Variants in CHP1 observed in about 807,000 individuals in gnomAD.
CHP1 encodes the protein calcineurin like EF-hand protein 1.
CHP1 carries 11 observed loss-of-function variants against 27.4 expected under a neutral mutation model. That is an observed-to-expected ratio of 0.40 (90% CI 0.25 to 0.67). CHP1 has a LOEUF of 0.67. CHP1 is among the 30% of genes least tolerant of loss of function. The pLI, the probability that CHP1 is intolerant of heterozygous loss-of-function variation, is 0.38. For synonymous variants in CHP1, 89 were observed against 87.4 expected (o/e 1.02, Z -0.10); for missense variants, 169 against 251.3 (o/e 0.67, Z 2.22).
At chr15:41,243,537 TTAACATTCTA>T in intron 1 of CHP1, 120 bp from the exon 2 acceptor site, 1 of 627,958 alleles carries the variant, frequency 1.6e-6, no homozygotes, top group Admixed American at 2.9e-5. Flanking sequence ...ACTTTCTGCT[TTAACATTCTA>T]GAGATAAGAG....
At position 41,257,138 on chromosome 15, in the gene CHP1, A is replaced by G; in HGVS notation, c.221+148A>G. ...CAATTCTAATTTTGTCATTTCTAGA[A>G]TATCTCTTCTGTTCTACCCTCCTGT... On this transcript the variant is annotated intron_variant, in intron 3 of 6. Transcript: ENST00000334660. 6.5e-6 allele frequency: 4 copies of G among 616,668 alleles called. No individual in the cohort carries two copies. The South Asian group carries it at 8.4e-5, about 13-fold the overall frequency. The allele number at this position is 616,668 out of a possible 1,614,324, so 38.2% of individuals were successfully genotyped here. A position where few individuals can be genotyped will look rare whatever the true frequency, so the allele number is the denominator to read the frequency against.
At chr15:41,257,380 C>T (rs749481762) in intron 3 of CHP1, among the ~76,000 whole-genome samples, 3 of 151,984 alleles carry the variant, frequency 2.0e-5, no homozygotes, top group Non-Finnish European at 2.9e-5. Context: ...TTTGTGTGCT[C>T]TCTTCTTAGT....
At chr15:41,232,431 G>C (rs935119652) in intron 1 of CHP1, among the ~76,000 whole-genome samples, 1 of 151,782 alleles carries the variant, frequency 6.6e-6, no homozygotes, top group Non-Finnish European at 1.5e-5. Context: ...GGCTGGCCTC[G>C]AACTCCTGAC....
chr15:41,255,037 A>G (rs1420151359), intron 2 of CHP1, among the ~76,000 whole-genome samples: 2 of 152,184 alleles, frequency 1.3e-5, no homozygotes, highest in Non-Finnish European at 2.9e-5. Flanking sequence ...CACATACTTC[A>G]CTGTTTATTT....
At chr15:41,236,226 G>A (rs1242132733) in intron 1 of CHP1, among the ~76,000 whole-genome samples, 2 of 151,668 alleles carry the variant, frequency 1.3e-5, no homozygotes, top group Admixed American at 1.3e-4. Context: ...TTATAGATGT[G>A]AGCCACTGTG....
At chr15:41,232,087 C>G (rs148831365) in intron 1 of CHP1, among the ~76,000 whole-genome samples, 66 of 152,138 alleles carry the variant, frequency 4.3e-4, no homozygotes, top group African/African-American at 1.5e-3. Context: ...ACTTACACGA[C>G]GATACTTGCT....
intron 1 of CHP1, among the ~76,000 whole-genome samples, chr15:41,235,255 A>G (rs1275169732): frequency 7.7e-6 from 1 of 129,646 alleles, no homozygotes; most frequent in Non-Finnish European, 1.6e-5. Context: ...GCAGTGGCTC[A>G]CACCTGTAGT....
intron 1 of CHP1, among the ~76,000 whole-genome samples, chr15:41,231,704 C>G (rs1048115673): frequency 6.6e-6 from 1 of 152,014 alleles, no homozygotes; most frequent in Non-Finnish European, 1.5e-5. Context: ...CGACGCCCCC[C>G]TTTTCTGCAC....
intron 2 of CHP1, among the ~76,000 whole-genome samples, chr15:41,250,921 C>T (rs988246556): frequency 3.3e-5 from 5 of 151,790 alleles, no homozygotes; most frequent in African/African-American, 4.8e-5. Context: ...CCAAGTTCAC[C>T]GCTTCCGGGT....
intron 2 of CHP1, among the ~76,000 whole-genome samples, chr15:41,251,956 G>A (rs993256842): frequency 2.0e-5 from 3 of 151,784 alleles, no homozygotes; most frequent in Non-Finnish European, 4.4e-5. Context: ...TGGTCAGGCT[G>A]GTCTCAAACT....
chr15:41,238,358 G>A (rs2047288455), intron 1 of CHP1, among the ~76,000 whole-genome samples: 1 of 151,720 alleles, frequency 6.6e-6, no homozygotes, highest in South Asian at 2.1e-4. Context: ...ATGAAGTCTT[G>A]CTTTGTTGCC....
chr15:41,268,731 G>A (rs978875683), intron 4 of CHP1, among the ~76,000 whole-genome samples: 33 of 151,664 alleles, frequency 2.2e-4, no homozygotes, highest in African/African-American at 8.0e-4. Flanking sequence ...CATGCGGTTA[G>A]ATCATGAGGT....
intron 1 of CHP1, among the ~76,000 whole-genome samples, chr15:41,238,734 C>T (rs1275028361): frequency 1.3e-5 from 2 of 151,080 alleles, no homozygotes; most frequent in Non-Finnish European, 2.9e-5. Context: ...TACCTGTAGT[C>T]GCAGCTACTC....
chr15:41,256,911 C>T lies in CHP1; in HGVS notation c.142C>T (p.Arg48Trp), dbSNP rs1361021562. The change falls in exon 3 of 7, where the codon CGG becomes TGG. Residue 48 changes from arginine to tryptophan, a missense_variant and splice_region_variant. Physicochemically the swap from Arg to Trp is moderately radical, Grantham distance 101 (BLOSUM62 -3). Coordinates refer to ENST00000334660, the MANE Select transcript of CHP1 (RefSeq NM_007236.5). ...AACTCAAGGTGATTCTCTTGGCAGC[C>T]GGGAAGATTTCCAGAGGATTCCAGA... ...LDKGENGTLS[R>W]EDFQRIPELA... 11 of 1,613,850 alleles carry T rather than the reference C, an allele frequency of 6.8e-6. No individual in the cohort carries two copies. The highest frequency in any genetic ancestry group is 1.1e-5 in the South Asian group (1 of 91,086).
chr15:41,278,800 G>A lies in CHP1; in HGVS notation c.445G>A (p.Asp149Asn). The A allele has an allele frequency of 6.2e-7, 1 of 1,614,174 alleles. No individual in the cohort carries two copies. Among genetic ancestry groups the A allele is most frequent in the Non-Finnish European group, 8.5e-7 (1 of 1,180,022 alleles). The part of the protein sequence containing the change: ...LRMMVGVNIS[D>N]EQLGSIADRT... ...CATGATGGTCGGAGTAAATATCTCAGATGAGCAGCTGGGCAGCATCGCAGA... is the reference window on the plus strand; with the variant it reads ...CATGATGGTCGGAGTAAATATCTCAAATGAGCAGCTGGGCAGCATCGCAGA... Residue 149 changes from aspartate to asparagine, a missense_variant, in exon 6 of 7, where the codon GAT (aspartate) becomes AAT (asparagine). Asp to Asn is a conservative substitution (Grantham distance 23). Coordinates refer to ENST00000334660, the MANE Select transcript of CHP1 (RefSeq NM_007236.5).
chr15:41,244,408 T>C (rs2047323144), intron 2 of CHP1, among the ~76,000 whole-genome samples: 1 of 152,154 alleles, frequency 6.6e-6, no homozygotes, highest in African/African-American at 2.4e-5. Context: ...CCAGGTGGTC[T>C]AGGTTGTTTT....
intron 1 of CHP1, among the ~76,000 whole-genome samples, chr15:41,240,877 A>G (rs1275378636): frequency 2.0e-5 from 3 of 150,546 alleles, no homozygotes; most frequent in Non-Finnish European, 4.4e-5. Context: ...TTTTTGAAAC[A>G]GAGTCTTGTT....
At chr15:41,245,456 G>A (rs1196169067) in intron 2 of CHP1, among the ~76,000 whole-genome samples, 3 of 152,160 alleles carry the variant, frequency 2.0e-5, no homozygotes, top group Non-Finnish European at 4.4e-5. Context: ...ATTCCAGCCT[G>A]GGCGACAGAG....
intron 5 of CHP1, among the ~76,000 whole-genome samples, chr15:41,271,968 C>G (rs1038604229): frequency 6.6e-6 from 1 of 152,182 alleles, no homozygotes; most frequent in African/African-American, 2.4e-5. Flanking sequence ...CTCAGGTTAT[C>G]CACCCGCCTC....
Sources: gnomAD v4.1 joint callset for allele counts (sites outside exome capture counted in the v4.1 genomes callset) on GRCh38, gnomAD v4.1.1 for gene constraint, MANE v1.5 for transcripts, NCBI Gene and HGNC (gene_info 2026-07-23, HGNC 2026-07-21) for gene names.